Variants in ZNF521 observed in about 807,000 individuals in gnomAD.
ZNF521 encodes zinc finger protein 521.
ZNF521 carries 14 observed loss-of-function variants against 105.5 expected under a neutral mutation model. The observed-to-expected ratio is 0.13, with a 90% confidence interval of 0.09 to 0.21. The LOEUF (loss-of-function observed/expected upper bound fraction) is 0.21, where lower values mean the gene tolerates loss of function less well. ZNF521 is among the 10% of genes least tolerant of loss of function. ZNF521 has a pLI of 1.00. For synonymous variants in ZNF521, 635 were observed against 606.0 expected (o/e 1.05, Z -0.70); for missense variants, 1,233 against 1,629.7 (o/e 0.76, Z 4.19).
At chr18:25,076,222 A>G (rs1309546459) in intron 7 of ZNF521, among the ~76,000 whole-genome samples, 2 of 152,234 alleles carry the variant, frequency 1.3e-5, no homozygotes, top group Admixed American at 6.5e-5. Flanking sequence ...ATAAGAGGAA[A>G]TGGCCTTAGG....
At chr18:25,235,879 T>C (rs1213424810) in intron 3 of ZNF521, among the ~76,000 whole-genome samples, 1 of 152,184 alleles carries the variant, frequency 6.6e-6, no homozygotes, top group Non-Finnish European at 1.5e-5. Flanking sequence ...GTGATAAATA[T>C]GGTTTGCTAA....
chr18:25,217,106 G>A (rs1905378159), intron 4 of ZNF521, among the ~76,000 whole-genome samples: 1 of 152,192 alleles, frequency 6.6e-6, no homozygotes, highest in Non-Finnish European at 1.5e-5. Flanking sequence ...GACTTTGTAA[G>A]CTGGTGAGGC....
intron 2 of ZNF521, among the ~76,000 whole-genome samples, chr18:25,335,805 G>C (rs1913844742): frequency 6.6e-6 from 1 of 152,188 alleles, no homozygotes; most frequent in Non-Finnish European, 1.5e-5. Flanking sequence ...AGAAAAGATA[G>C]TGTCTACGAA....
intron 4 of ZNF521, among the ~76,000 whole-genome samples, chr18:25,220,405 C>T (rs1905636331): frequency 6.6e-6 from 1 of 152,090 alleles, no homozygotes; most frequent in African/African-American, 2.4e-5. Context: ...CGAGAGGATG[C>T]TGTAGAAAAG....
chr18:25,324,719 CTG>C (rs1464687756), intron 2 of ZNF521, among the ~76,000 whole-genome samples: 1 of 152,180 alleles, frequency 6.6e-6, no homozygotes, highest in Non-Finnish European at 1.5e-5. Flanking sequence ...TAAGGAGACT[CTG>C]TGAATACTTT....
chr18:25,291,767 C>G (rs1335244178), intron 3 of ZNF521, among the ~76,000 whole-genome samples: 3 of 152,088 alleles, frequency 2.0e-5, no homozygotes, highest in Admixed American at 2.0e-4. Context: ...TAAGCCTCTA[C>G]AAGTGGTATT....
At chr18:25,065,600 T>A (rs1441497684) in intron 7 of ZNF521, among the ~76,000 whole-genome samples, 1 of 152,054 alleles carries the variant, frequency 6.6e-6, no homozygotes, top group Non-Finnish European at 1.5e-5. Context: ...GATAGGACTC[T>A]GACAGAAAGA....
At chr18:25,266,758 A>C (rs900533437) in intron 3 of ZNF521, among the ~76,000 whole-genome samples, 4 of 152,116 alleles carry the variant, frequency 2.6e-5, no homozygotes, top group African/African-American at 9.7e-5. Context: ...CAACCCACAG[A>C]CCAGGAGATT....
chr18:25,289,163 G>C (rs1050883379), intron 3 of ZNF521, among the ~76,000 whole-genome samples: 4 of 152,118 alleles, frequency 2.6e-5, no homozygotes, highest in Non-Finnish European at 4.4e-5. Context: ...AAATTCGGTT[G>C]CTATGCTAGA....
In ZNF521 at chr18:25,245,530, A is replaced by C. The variant is rs570383058; in HGVS notation, c.221-17833T>G. ...GGAAGAAGGTGGCTTACTTGAGACA[A>C]AACAGTCCCAATTGCTTTTGTAACT... On this transcript the variant is annotated intron_variant, in intron 3 of 7. Coordinates refer to ENST00000361524, the MANE Select transcript of ZNF521 (RefSeq NM_015461.3). Among the ~76,000 whole-genome samples, 172 of 152,300 alleles carry C rather than the reference A, an allele frequency of 1.1e-3. 3 individuals are homozygous for C. Among genetic ancestry groups the C allele is most frequent in the African/African-American group, 3.9e-3 (163 of 41,572 alleles).
chr18:25,280,045 C>G (rs866830999), intron 3 of ZNF521, among the ~76,000 whole-genome samples: 2 of 152,298 alleles, frequency 1.3e-5, no homozygotes, highest in African/African-American at 4.8e-5. Flanking sequence ...ACATTAGGGC[C>G]AAATTATTTC....
chr18:25,261,129 T>C (rs1266429178), intron 3 of ZNF521, among the ~76,000 whole-genome samples: 1 of 152,254 alleles, frequency 6.6e-6, no homozygotes, highest in African/African-American at 2.4e-5. Flanking sequence ...TGGGAATTCA[T>C]GTCCAGAGTC....
chr18:25,233,780 T>A lies in ZNF521; in HGVS notation c.221-6083A>T, dbSNP rs191068540. Among the ~76,000 whole-genome samples, 7 of 150,676 alleles carry A rather than the reference T, an allele frequency of 4.6e-5. No homozygotes were observed. In the East Asian group the frequency reaches 1.2e-3, roughly 26 times the overall value. On this transcript the variant is annotated intron_variant, in intron 3 of 7. Transcript: ENST00000361524. ...AAAGAGATAAGGAGTTGTTATCACATCTCCATGGCTCTCCTTAGGTAATCC... is the reference window on the plus strand; with the variant it reads ...AAAGAGATAAGGAGTTGTTATCACAACTCCATGGCTCTCCTTAGGTAATCC...
In ZNF521 at chr18:25,226,408, T is replaced by C; in HGVS notation, c.1510A>G (p.Asn504Asp). 6.2e-7 allele frequency: 1 copy of C among 1,614,156 alleles called. No individual in the cohort carries two copies. The highest frequency in any genetic ancestry group is 8.5e-7 in the Non-Finnish European group (1 of 1,180,030). ...EHIRCSHGFANPAAKDSNAFF... is the reference protein window; with the variant it reads ...EHIRCSHGFADPAAKDSNAFF... ...GCATTACTATCTTTAGCTGCAGGGT[T>C]TGCAAATCCATGAGAACATCGGATG... The change falls in exon 4 of 8, where the codon AAC (asparagine) becomes GAC (aspartate). Residue 504 changes from asparagine to aspartate, a missense_variant. Physicochemically the swap from Asn to Asp is conservative, Grantham distance 23. Coordinates refer to ENST00000361524, the MANE Select transcript of ZNF521 (RefSeq NM_015461.3). The surrounding 1 kb of genome is among the most constrained non-coding windows in gnomAD (Gnocchi z 4.1).
intron 2 of ZNF521, among the ~76,000 whole-genome samples, chr18:25,339,424 T>TA (rs1914076964): frequency 6.6e-6 from 1 of 152,240 alleles, no homozygotes; most frequent in Admixed American, 6.5e-5. Flanking sequence ...ACCTCACTGA[T>TA]ATCGCTGTTA....
chr18:25,241,434 CTT>C (rs1230855125), intron 3 of ZNF521, among the ~76,000 whole-genome samples: 1 of 152,162 alleles, frequency 6.6e-6, no homozygotes, highest in African/African-American at 2.4e-5. Context: ...ACTATCCAAA[CTT>C]TGCCATGCAT....
intron 5 of ZNF521, among the ~76,000 whole-genome samples, chr18:25,191,783 C>T (rs1346159958): frequency 6.6e-6 from 1 of 152,124 alleles, no homozygotes; most frequent in East Asian, 1.9e-4. Context: ...AATCCCTTTG[C>T]TGGGTTAAAC....
intron 5 of ZNF521, among the ~76,000 whole-genome samples, chr18:25,147,949 G>A (rs1201661628): frequency 1.3e-5 from 2 of 152,140 alleles, no homozygotes; most frequent in African/African-American, 4.8e-5. Flanking sequence ...ATATCTGCTA[G>A]GAAGGGCTGA....
At chr18:25,170,375 G>A (rs1370507319) in intron 5 of ZNF521, among the ~76,000 whole-genome samples, 3 of 151,980 alleles carry the variant, frequency 2.0e-5, no homozygotes, top group African/African-American at 7.3e-5. Context: ...GGCAATGACT[G>A]ACTTCCCATT....
Sources: gnomAD v4.1 joint callset for allele counts (sites outside exome capture counted in the v4.1 genomes callset) on GRCh38, gnomAD v4.1.1 for gene constraint, Gnocchi (gnomAD v3.1) non-coding constraint, MANE v1.5 for transcripts, NCBI Gene and HGNC (gene_info 2026-07-23, HGNC 2026-07-21) for gene names.